PTPRG: variants seen among roughly 807,000 people sequenced by gnomAD.
The protein encoded by PTPRG is protein tyrosine phosphatase receptor type G.
A neutral mutation model predicts 165.3 loss-of-function variants in PTPRG; 102 were observed. The ratio of observed to expected loss-of-function variants is 0.62; its 90% CI spans 0.53 to 0.73. The LOEUF (loss-of-function observed/expected upper bound fraction) is 0.73. Among genes scored for constraint, PTPRG ranks in the 30% least tolerant of loss-of-function variants. PTPRG has a pLI of 0.00. For missense variants in PTPRG, 1,866 were observed against 1,861.4 expected (o/e 1.00, Z -0.05); for synonymous variants, 675 against 669.5 (o/e 1.01, Z -0.13).
chr3:62,059,456 T>G (rs1391477002), intron 4 of PTPRG, among the ~76,000 whole-genome samples: 1 of 152,236 alleles, frequency 6.6e-6, no homozygotes, highest in Admixed American at 6.5e-5. Flanking sequence ...GTAAGAAATA[T>G]GGACCGAGAC....
chr3:61,602,267 G>T (rs546177169), intron 1 of PTPRG, among the ~76,000 whole-genome samples: 1 of 151,926 alleles, frequency 6.6e-6, no homozygotes, highest in Admixed American at 6.6e-5. Flanking sequence ...ACAGTGTCTC[G>T]TTCATAGCTT....
At chr3:62,099,373 C>T (rs1301354481) in intron 5 of PTPRG, among the ~76,000 whole-genome samples, 3 of 152,024 alleles carry the variant, frequency 2.0e-5, no homozygotes, top group Non-Finnish European at 4.4e-5. Context: ...AAAATTAATT[C>T]TAAGAAAATA....
intron 2 of PTPRG, among the ~76,000 whole-genome samples, chr3:61,941,282 T>C (rs533156810): frequency 5.2e-5 from 8 of 152,386 alleles, no homozygotes; most frequent in African/African-American, 1.7e-4. Context: ...CTCATTATTA[T>C]GATTCTCTAT....
chr3:62,169,674 T>C (rs1576090117), intron 8 of PTPRG, among the ~76,000 whole-genome samples: 1 of 152,130 alleles, frequency 6.6e-6, no homozygotes, highest in Non-Finnish European at 1.5e-5. Context: ...AATTTTCTTT[T>C]GGTGCGAAAA....
chr3:61,602,152 T>C (rs1185065274), intron 1 of PTPRG, among the ~76,000 whole-genome samples: 2 of 113,964 alleles, frequency 1.8e-5, no homozygotes, highest in South Asian at 2.5e-4. Context: ...CCTTCCTAGC[T>C]TTTTTTTTTT....
intron 2 of PTPRG, among the ~76,000 whole-genome samples, chr3:61,794,344 T>G (rs2034985400): frequency 1.3e-5 from 2 of 152,342 alleles, no homozygotes; most frequent in African/African-American, 4.8e-5. Flanking sequence ...TTAAATATTC[T>G]CAGATTGTTT....
intron 2 of PTPRG, among the ~76,000 whole-genome samples, chr3:61,897,797 ATACC>A (rs752981930): frequency 2.6e-5 from 4 of 152,184 alleles, no homozygotes; most frequent in Non-Finnish European, 5.9e-5. Flanking sequence ...TGTTTTGTGT[ATACC>A]TACATATTTT....
chr3:61,988,742 G>T (rs35209615), intron 2 of PTPRG, among the ~76,000 whole-genome samples: 40 of 152,182 alleles, frequency 2.6e-4, no homozygotes, highest in African/African-American at 9.6e-4. Context: ...GGCTACTCCC[G>T]CTTTGTTGTG....
At position 61,944,832 on chromosome 3, in the gene PTPRG, T is replaced by C. The variant is rs376503552; in HGVS notation, c.191-44793T>C. 1.4e-4 allele frequency among the ~76,000 whole-genome samples: 21 copies of C among 152,318 alleles called. 1 individual carries two copies. In the South Asian group the frequency reaches 4.3e-3, roughly 32 times the overall value. ...TATAATTTTAGTTATTGAATTAAAA[T>C]CTTTTGGGACCCCAACAGGATGAGA... On this transcript the variant is annotated intron_variant, in intron 2 of 29. Transcript: ENST00000474889.
rs572088818 is a variant in PTPRG, at chr3:62,097,941, G to A, written c.615+19683G>A. ...AGAAATTAACTTGAGTTATTAAAGC[G>A]GCAAGTATGTTAGACTAATAACTAC... is the stretch of plus-strand genomic sequence containing the variant. On this transcript the variant is annotated intron_variant, in intron 5 of 29. Transcript: ENST00000474889. 6.6e-5 allele frequency among the ~76,000 whole-genome samples: 10 copies of A among 152,132 alleles called. 1 individual carries two copies. The South Asian group carries it at 1.2e-3, about 19-fold the overall frequency.
At chr3:62,163,621 C>T (rs901581303) in intron 7 of PTPRG, among the ~76,000 whole-genome samples, 1 of 152,188 alleles carries the variant, frequency 6.6e-6, no homozygotes, top group Non-Finnish European at 1.5e-5. Context: ...GTTGATACAG[C>T]ATTTTACAGT....
Position 62,218,962 on chromosome 3 carries a change from T to C in PTPRG, c.2267T>C (p.Ile756Thr). ...ACCTTCGTGTGCCTCATCCTTCTCA[T>C]TGCTGTGCTCGTTTACTGGAGGTAA... ...ALTFVCLILL[I>T]AVLVYWRGCN... The change falls in exon 13 of 30, where the codon ATT becomes ACT. Residue 756 changes from isoleucine to threonine, a missense_variant. Ile to Thr is a moderately conservative substitution (Grantham distance 89). Around this residue, in one of 3 missense-constraint regions of PTPRG, gnomAD observed 1,452 missense variants for 1,463.0 expected, o/e 0.99. Coordinates refer to ENST00000474889, the MANE Select transcript of PTPRG (RefSeq NM_002841.4). The C allele has an allele frequency of 1.2e-6, 2 of 1,614,046 alleles. No homozygotes were observed. Among genetic ancestry groups the C allele is most frequent in the Non-Finnish European group, 1.7e-6 (2 of 1,179,964 alleles).
intron 1 of PTPRG, among the ~76,000 whole-genome samples, chr3:61,681,054 T>TAAAAAAAAAAAAAAAAAAAAAAAAAAA (rs61198100): frequency 1.5e-5 from 1 of 66,104 alleles, no homozygotes; most frequent in African/African-American, 5.4e-5. Context: ...CTTTATGTTC[T>TAAAAAAAAAAAAAAAAAAAAAAAAAAA]AAAAAAAAAA....
At chr3:62,192,352 A>T (rs559452363) in intron 9 of PTPRG, among the ~76,000 whole-genome samples, 50 of 148,628 alleles carry the variant, frequency 3.4e-4, no homozygotes, top group African/African-American at 1.2e-3. Context: ...TGTTTGCAGA[A>T]GCCATCTCCT....
At chr3:62,227,074 A>T (rs1700779983) in intron 13 of PTPRG, among the ~76,000 whole-genome samples, 1 of 152,090 alleles carries the variant, frequency 6.6e-6, no homozygotes, top group Non-Finnish European at 1.5e-5. Flanking sequence ...GCTCAGGCAA[A>T]CAAACAGATG....
At position 62,003,330 on chromosome 3, in the gene PTPRG, TCTC is replaced by T. The variant is rs758486142; in HGVS notation, c.371-18_371-16del. ...TGAAACTCACTTTGTTTTCCTCTCT[TCTC>T]ATTTGTTTCACACAGTCGCCATCCT... On this transcript the variant is annotated splice_polypyrimidine_tract_variant and intron_variant, in intron 3 of 29. Coordinates refer to ENST00000474889, the MANE Select transcript of PTPRG (RefSeq NM_002841.4). The T allele has an allele frequency of 6.2e-6, 10 of 1,603,948 alleles. No individual in the cohort carries two copies. The highest frequency in any genetic ancestry group is 1.7e-4 in the Middle Eastern group (1 of 5,994).
At chr3:61,950,924 G>A (rs2039884804) in intron 2 of PTPRG, among the ~76,000 whole-genome samples, 1 of 152,182 alleles carries the variant, frequency 6.6e-6, no homozygotes, top group African/African-American at 2.4e-5. Flanking sequence ...GTAATCCTAT[G>A]TCCTGTCATG....
At position 62,067,330 on chromosome 3, in the gene PTPRG, T is replaced by G. The variant is rs1174377551; in HGVS notation, c.520-10833T>G. ...GAAACTCCCATGATGTGGGGCACTA[T>G]TCTTTGCATTTTGGGGTGTTTAGGA... On this transcript the variant is annotated intron_variant, in intron 4 of 29. Coordinates refer to ENST00000474889, the MANE Select transcript of PTPRG (RefSeq NM_002841.4). Among the ~76,000 whole-genome samples, 4 of 151,828 alleles carry G rather than the reference T, an allele frequency of 2.6e-5. No individual in the cohort carries two copies. The East Asian group carries it at 7.8e-4, about 30-fold the overall frequency.
intron 9 of PTPRG, 94 bp downstream of exon 9, chr3:62,191,747 T>C (rs1343102761): frequency 1.6e-6 from 2 of 1,249,418 alleles, no homozygotes; most frequent in African/African-American, 1.5e-5. Context: ...GCCAGCTCTG[T>C]GTCATCTGTC....
Sources: gnomAD v4.1 joint callset for allele counts (sites outside exome capture counted in the v4.1 genomes callset) on GRCh38, gnomAD v4.1.1 for gene constraint, gnomAD v4.1.1 regional missense constraint, MANE v1.5 for transcripts, NCBI Gene and HGNC (gene_info 2026-07-23, HGNC 2026-07-21) for gene names.